Variants in DOCK8 observed in about 807,000 individuals in gnomAD.
DOCK8 encodes the protein dedicator of cytokinesis protein 8.
In DOCK8, 141 loss-of-function variants were observed where a neutral mutation model predicts 245.6. That is an observed-to-expected ratio of 0.57 (90% CI 0.50 to 0.66). The LOEUF (loss-of-function observed/expected upper bound fraction) is 0.66, where lower values mean the gene tolerates loss of function less well. Ranked by LOEUF, DOCK8 falls within the 30% of genes least tolerant of loss-of-function variation. The pLI, the probability that DOCK8 is intolerant of heterozygous loss-of-function variation, is 0.00. For synonymous variants in DOCK8, 1,168 were observed against 970.2 expected (o/e 1.20, Z -3.79); for missense variants, 2,965 against 2,603.4 (o/e 1.14, Z -3.02).
chr9:288,462 C>G (rs1169777950), intron 3 of DOCK8, among the ~76,000 whole-genome samples: 1 of 152,186 alleles, frequency 6.6e-6, no homozygotes, highest in East Asian at 1.9e-4. Flanking sequence ...AATGCCTGCC[C>G]TATGGTGCTG....
intron 18 of DOCK8, among the ~76,000 whole-genome samples, chr9:374,138 T>C (rs1221139393): frequency 6.6e-6 from 1 of 152,208 alleles, no homozygotes; most frequent in Non-Finnish European, 1.5e-5. Flanking sequence ...CAAACTCAAT[T>C]CCTAAGTAAA....
At chr9:400,946 A>ATCT (rs1564016632) in intron 26 of DOCK8, among the ~76,000 whole-genome samples, 4 of 121,902 alleles carry the variant, frequency 3.3e-5, no homozygotes, top group African/African-American at 6.7e-5. Flanking sequence ...CACCACCACC[A>ATCT]TCACCACCAC....
chr9:429,168 T>C (rs2056614548), intron 35 of DOCK8, among the ~76,000 whole-genome samples: 1 of 152,190 alleles, frequency 6.6e-6, no homozygotes, highest in Admixed American at 6.5e-5. Context: ...GGTTTCACCA[T>C]GTTGGCCAGG....
At chr9:344,326 C>T (rs184018458) in intron 14 of DOCK8, among the ~76,000 whole-genome samples, 1 of 152,160 alleles carries the variant, frequency 6.6e-6, no homozygotes, top group Non-Finnish European at 1.5e-5. Flanking sequence ...GAAAATTTCA[C>T]AGAATTTAGG....
At chr9:405,139 T>C (rs1000830952) in intron 27 of DOCK8, 66 bp downstream of exon 27, 12 of 1,474,148 alleles carry the variant, frequency 8.1e-6, no homozygotes, top group African/African-American at 7.0e-5. Context: ...CTCAGTTTAA[T>C]CATGTATTTC....
At chr9:334,079 GTT>G (rs1274826873) in intron 10 of DOCK8, 144 bp from the exon 11 acceptor site, 1 of 881,420 alleles carries the variant, frequency 1.1e-6, no homozygotes, top group African/African-American at 1.7e-5. Context: ...CCTATTCACT[GTT>G]TTTATTTTTT....
At chr9:410,191 C>A (rs1332867219) in intron 28 of DOCK8, among the ~76,000 whole-genome samples, 1 of 151,954 alleles carries the variant, frequency 6.6e-6, no homozygotes, top group Non-Finnish European at 1.5e-5. Context: ...ATTAATATTT[C>A]CTGTGAATAT....
Position 373,506 on chromosome 9 carries a change from C to CCA in DOCK8, c.2109+1226_2109+1227dup, listed in dbSNP as rs540975644. Among the ~76,000 whole-genome samples the CCA allele has an allele frequency of 1.5e-3, 224 of 152,248 alleles. 2 individuals carry two copies. Among genetic ancestry groups the CCA allele is most frequent in the Non-Finnish European group, 2.2e-3 (149 of 68,020 alleles). On this transcript the variant is annotated intron_variant, in intron 18 of 47. Coordinates refer to ENST00000432829, the MANE Select transcript of DOCK8 (RefSeq NM_203447.4). ...TTTAAAATTGGTATTCAGATAAGGT[C>CCA]CACACACTGATATTGATTGTTACAT... is the stretch of plus-strand genomic sequence containing the variant.
rs778558514 is a variant in DOCK8 at position 339,053 on chromosome 9, C to T, written c.1470C>T (p.Asp490=). Residue 490 remains aspartate, a synonymous_variant, in exon 13 of 48, where the codon GAC becomes GAT. Transcript: ENST00000432829. ...SDEDLFKFLA[D]YKRSSSLQRR... ...AAGACTTATTCAAGTTTTTAGCTGA[C>T]TACAAAAGATCATCATCCTTACAGA... is the stretch of plus-strand genomic sequence containing the variant. The T allele has an allele frequency of 1.2e-6, 2 of 1,614,128 alleles. No individual in the cohort carries two copies. The highest frequency in any genetic ancestry group is 2.7e-5 in the African/African-American group (2 of 75,070).
At chr9:377,288 C>G in intron 20 of DOCK8, 77 bp downstream of exon 20, 1 of 1,357,046 alleles carries the variant, frequency 7.4e-7, no homozygotes, top group East Asian at 2.5e-5. Flanking sequence ...AATGACTTTC[C>G]AGAAATCCAG....
At position 222,272 on chromosome 9, in the gene DOCK8, A is replaced by AC. The variant is rs747681191; in HGVS notation, c.53+7244dup. 9.6e-4 allele frequency among the ~76,000 whole-genome samples: 146 copies of AC among 151,748 alleles called. 2 individuals are homozygous for AC. The East Asian group carries it at 0.022, about 23-fold the overall frequency. ...AGTGAAACCCTGTCTCAAAAAAAAAACACAAAAAACCAAAAGAGATAGGTT... is the reference window on the plus strand; with the variant it reads ...AGTGAAACCCTGTCTCAAAAAAAAAACCACAAAAAACCAAAAGAGATAGGTT... On this transcript the variant is annotated intron_variant, in intron 1 of 47. Transcript: ENST00000432829.
rs149045331 is a variant in DOCK8, at chr9:449,448, C to T, written c.5818-336C>T. Among the ~76,000 whole-genome samples the T allele has an allele frequency of 2.0e-5, 3 of 152,278 alleles. No homozygotes were observed. In the East Asian group the frequency reaches 5.8e-4, roughly 29 times the overall value. ...AAAAAACATGGACTTTGAAGATAGA[C>T]ATACTTGTGATCGAATTATGACCTC... On this transcript the variant is annotated intron_variant, in intron 44 of 47. Coordinates refer to ENST00000432829, the MANE Select transcript of DOCK8 (RefSeq NM_203447.4).
chr9:317,008 C>G (rs747988882), intron 6 of DOCK8, 35 bp from the exon 7 acceptor site: 4 of 1,529,206 alleles, frequency 2.6e-6, no homozygotes, highest in Non-Finnish European at 3.6e-6. Flanking sequence ...CCACAGAATT[C>G]ACTAATGATT....
chr9:435,274 G>A (rs561698113), intron 39 of DOCK8, among the ~76,000 whole-genome samples: 7 of 152,144 alleles, frequency 4.6e-5, no homozygotes, highest in Non-Finnish European at 7.4e-5. Context: ...CATCGTCGTT[G>A]GGTTTTTTTT....
intron 7 of DOCK8, among the ~76,000 whole-genome samples, chr9:325,130 A>G (rs2050701172): frequency 3.1e-5 from 1 of 32,558 alleles, no homozygotes; most frequent in African/African-American, 1.5e-4. Context: ...AAGTTCCTGC[A>G]AAAGACATTA....
intron 1 of DOCK8, among the ~76,000 whole-genome samples, chr9:216,094 T>C (rs1306408766): frequency 6.6e-6 from 1 of 152,196 alleles, no homozygotes; most frequent in Non-Finnish European, 1.5e-5. Flanking sequence ...CATATCGAGC[T>C]TTATTGACGA....
intron 23 of DOCK8, 139 bp from the exon 24 acceptor site, chr9:390,332 T>TA (rs1236776902): frequency 7.6e-6 from 6 of 791,176 alleles, no homozygotes; most frequent in South Asian, 7.5e-5. Context: ...ATCCACCACT[T>TA]ACTGCCTAGA....
intron 5 of DOCK8, among the ~76,000 whole-genome samples, chr9:308,478 T>C (rs1373416586): frequency 6.6e-6 from 1 of 152,228 alleles, no homozygotes; most frequent in Non-Finnish European, 1.5e-5. Flanking sequence ...TTGTGCACCT[T>C]CTTATTGAGT....
chr9:234,229 C>T (rs998352496), intron 1 of DOCK8, among the ~76,000 whole-genome samples: 1 of 152,216 alleles, frequency 6.6e-6, no homozygotes, highest in African/African-American at 2.4e-5. Flanking sequence ...TTGGCCCCCA[C>T]TCTCTTCTGG....
Sources: gnomAD v4.1 joint callset for allele counts (sites outside exome capture counted in the v4.1 genomes callset) on GRCh38, gnomAD v4.1.1 for gene constraint, MANE v1.5 for transcripts, NCBI Gene and HGNC (gene_info 2026-07-23, HGNC 2026-07-21) for gene names.